CHRNA7: variants seen among roughly 807,000 people sequenced by gnomAD.
The protein encoded by CHRNA7 is neuronal acetylcholine receptor subunit alpha-7.
A neutral mutation model predicts 48.0 loss-of-function variants in CHRNA7; 17 were observed. The ratio of observed to expected loss-of-function variants is 0.35; its 90% CI spans 0.24 to 0.53. The LOEUF (loss-of-function observed/expected upper bound fraction) is 0.53, where lower values mean the gene tolerates loss of function less well. Among genes scored for constraint, CHRNA7 ranks in the 20% least tolerant of loss-of-function variants. The pLI is 0.92. For synonymous variants in CHRNA7, 75 were observed against 242.3 expected (o/e 0.31, Z 6.41); for missense variants, 155 against 577.7 (o/e 0.27, Z 7.50).
At chr15:32,099,804 G>A (rs1252315751) in intron 2 of CHRNA7, 3 of 152,224 alleles carry the variant, frequency 2.0e-5, no homozygotes, top group African/African-American at 7.2e-5. Context: ...CATTTGCTCA[G>A]TGCAGAGTAC....
intron 2 of CHRNA7, among the ~76,000 whole-genome samples, chr15:32,061,091 A>T (rs1311673410): frequency 6.6e-6 from 1 of 152,140 alleles, no homozygotes; most frequent in Non-Finnish European, 1.5e-5. Flanking sequence ...AGCCCATTGG[A>T]TGTACTGTCA....
intron 2 of CHRNA7, among the ~76,000 whole-genome samples, chr15:32,054,889 C>T (rs1260780616): frequency 6.6e-6 from 1 of 152,228 alleles, no homozygotes; most frequent in Non-Finnish European, 1.5e-5. Context: ...GTATGCATTT[C>T]TCTCTGATAC....
At chr15:32,051,891 G>C (rs1045467952) in intron 2 of CHRNA7, among the ~76,000 whole-genome samples, 1 of 152,090 alleles carries the variant, frequency 6.6e-6, no homozygotes, top group Non-Finnish European at 1.5e-5. Flanking sequence ...TCCCCAGGCT[G>C]GTCTTGAACT....
intron 3 of CHRNA7, among the ~76,000 whole-genome samples, chr15:32,109,827 C>T (rs1010273988): frequency 2.6e-5 from 4 of 152,056 alleles, no homozygotes; most frequent in African/African-American, 7.2e-5. Context: ...GTGATCTGGC[C>T]GGGGAGGGGA....
chr15:32,114,049 T>TATACACAC (rs2050816857), intron 4 of CHRNA7, among the ~76,000 whole-genome samples: 1 of 54,616 alleles, frequency 1.8e-5, no homozygotes, highest in Admixed American at 3.4e-4. Context: ...TATATGTATA[T>TATACACAC]ATATATATAT....
intron 4 of CHRNA7, among the ~76,000 whole-genome samples, chr15:32,118,775 G>T (rs1419731602): frequency 6.6e-6 from 1 of 152,100 alleles, no homozygotes; most frequent in East Asian, 1.9e-4. Context: ...GAAGAGAGGA[G>T]GGAGGCATGG....
chr15:32,130,537 T>A (rs942651479), intron 4 of CHRNA7, among the ~76,000 whole-genome samples: 1 of 150,204 alleles, frequency 6.7e-6, no homozygotes, highest in South Asian at 2.1e-4. Context: ...GTCTGTGATA[T>A]ATATATATTA....
intron 2 of CHRNA7, among the ~76,000 whole-genome samples, chr15:32,045,590 A>T (rs58764778): frequency 1.3e-5 from 2 of 151,112 alleles, no homozygotes; most frequent in Admixed American, 1.3e-4. Context: ...AGGCTGGCAT[A>T]TGGTGGCACA....
At chr15:32,070,055 T>G (rs549703040) in intron 2 of CHRNA7, among the ~76,000 whole-genome samples, 1 of 152,346 alleles carries the variant, frequency 6.6e-6, no homozygotes, top group South Asian at 2.1e-4. Context: ...ATTATAAACC[T>G]TTTTAAAAAA....
chr15:32,142,316 G>T (rs888541272), intron 4 of CHRNA7, among the ~76,000 whole-genome samples: 4 of 152,166 alleles, frequency 2.6e-5, no homozygotes, highest in Non-Finnish European at 5.9e-5. Context: ...GTTGGATTCT[G>T]TTTGCCAGTA....
chr15:32,122,034 A>G (rs775363426), intron 4 of CHRNA7, among the ~76,000 whole-genome samples: 1 of 152,294 alleles, frequency 6.6e-6, no homozygotes, highest in Non-Finnish European at 1.5e-5. Context: ...TAAACATCAC[A>G]CGATGCTGCG....
intron 2 of CHRNA7, among the ~76,000 whole-genome samples, chr15:32,086,196 C>T (rs576393838): frequency 6.6e-6 from 1 of 151,670 alleles, no homozygotes; most frequent in South Asian, 2.1e-4. Flanking sequence ...GGTGAAACCC[C>T]GTCTCTACTA....
chr15:32,098,431 GA>G (rs2050510009), intron 2 of CHRNA7, among the ~76,000 whole-genome samples: 1 of 151,952 alleles, frequency 6.6e-6, no homozygotes, highest in Non-Finnish European at 1.5e-5. Context: ...ATTGCTGCCA[GA>G]GTCCCACAGA....
intron 2 of CHRNA7, among the ~76,000 whole-genome samples, chr15:32,064,427 T>C (rs1049750268): frequency 6.6e-6 from 1 of 152,070 alleles, no homozygotes; most frequent in Non-Finnish European, 1.5e-5. Context: ...CTATTTGTCA[T>C]ATTAGAGCCT....
intron 2 of CHRNA7, among the ~76,000 whole-genome samples, chr15:32,032,607 G>A (rs1901896663): frequency 6.6e-6 from 1 of 152,194 alleles, no homozygotes; most frequent in Admixed American, 6.5e-5. Flanking sequence ...GTGTGACAGG[G>A]TGAGAAAGGG....
At chr15:32,145,197 T>C (rs980882352) in intron 4 of CHRNA7, among the ~76,000 whole-genome samples, 3 of 152,324 alleles carry the variant, frequency 2.0e-5, no homozygotes, top group Middle Eastern at 6.8e-3. Context: ...TGTTGGAGTT[T>C]GCTGGAGGTC....
At chr15:32,062,395 C>T (rs1354926282) in intron 2 of CHRNA7, among the ~76,000 whole-genome samples, 1 of 152,140 alleles carries the variant, frequency 6.6e-6, no homozygotes, top group Non-Finnish European at 1.5e-5. Context: ...AGGCTATATT[C>T]CTTTTCCTTA....
chr15:32,033,773 A>G (rs936113480), intron 2 of CHRNA7, among the ~76,000 whole-genome samples: 7 of 152,124 alleles, frequency 4.6e-5, no homozygotes, highest in African/African-American at 2.4e-5. Context: ...CTCTTTACAC[A>G]TTTGTTGCCC....
intron 2 of CHRNA7, among the ~76,000 whole-genome samples, chr15:32,049,705 A>G (rs2049628723): frequency 1.3e-5 from 2 of 152,092 alleles, no homozygotes; most frequent in South Asian, 4.2e-4. Flanking sequence ...TTAGCTGGTT[A>G]TTTTGCTTGT....
Sources: allele counts gnomAD v4.1 joint callset (sites outside exome capture counted in the v4.1 genomes callset), GRCh38; gene constraint gnomAD v4.1.1; transcripts MANE v1.5; gene names NCBI Gene and HGNC (gene_info 2026-07-23, HGNC 2026-07-21).